The following PTPRT variants were observed in gnomAD, a reference collection of about 807,000 sequenced individuals.
PTPRT encodes the protein protein tyrosine phosphatase receptor type T.
PTPRT carries 56 observed loss-of-function variants against 176.8 expected under a neutral mutation model. That is an observed-to-expected ratio of 0.32 (90% confidence interval 0.26 to 0.40). The LOEUF (loss-of-function observed/expected upper bound fraction) is 0.40. PTPRT is among the 10% of genes least tolerant of loss of function. The probability of loss-of-function intolerance (pLI) is 1.00; values close to 1 mark genes in which losing one functional copy is unlikely to be tolerated. For synonymous variants in PTPRT, 783 were observed against 739.0 expected, an observed-to-expected ratio of 1.06 and a Z score of -0.96; for missense variants, 1,540 against 1,908.2, an observed-to-expected ratio of 0.81 and a Z score of 3.60.
At position 42,777,467 on chromosome 20, in the gene PTPRT, C is replaced by T. The variant is rs60738346; in HGVS notation, c.568+2751G>A. ...TTTTCAAAGATATCTCCTCTGACCA[C>T]TATATCCAAGCAGCCCTCCCGTATC... On this transcript the variant is annotated intron_variant, in intron 4 of 30. Coordinates refer to ENST00000373187, the MANE Select transcript of PTPRT (RefSeq NM_007050.6). Among the ~76,000 whole-genome samples the T allele has an allele frequency of 3.2e-3, 492 of 152,310 alleles. 5 individuals are homozygous for T. The highest frequency in any genetic ancestry group is 0.011 in the African/African-American group (467 of 41,554).
intron 5 of PTPRT, among the ~76,000 whole-genome samples, chr20:42,769,747 T>C (rs758524834): frequency 6.6e-6 from 1 of 152,222 alleles, no homozygotes; most frequent in Non-Finnish European, 1.5e-5. Context: ...AACAGGTAGA[T>C]GGATAAACAA....
intron 14 of PTPRT, among the ~76,000 whole-genome samples, chr20:42,237,429 A>G (rs2056267637): frequency 6.6e-6 from 1 of 152,128 alleles, no homozygotes; most frequent in Non-Finnish European, 1.5e-5. Flanking sequence ...TAATTTTCCA[A>G]CTGTGTTCAC....
chr20:42,321,496 C>A (rs1220256771), intron 11 of PTPRT, among the ~76,000 whole-genome samples: 2 of 152,166 alleles, frequency 1.3e-5, no homozygotes, highest in East Asian at 3.9e-4. Context: ...CATTCCCCTC[C>A]AGTATTCTCA....
At chr20:42,229,716 A>G (rs1243407761) in intron 15 of PTPRT, among the ~76,000 whole-genome samples, 2 of 152,208 alleles carry the variant, frequency 1.3e-5, no homozygotes, top group African/African-American at 4.8e-5. Flanking sequence ...TCTCTGTTTT[A>G]CATACCAGGC....
At chr20:42,482,892 C>T (rs1448916579) in intron 7 of PTPRT, among the ~76,000 whole-genome samples, 2 of 152,082 alleles carry the variant, frequency 1.3e-5, no homozygotes, top group East Asian at 3.9e-4. Context: ...ATTCCTGCCT[C>T]CTTTGCACTA....
At chr20:43,044,816 T>C (rs1986769298) in intron 1 of PTPRT, among the ~76,000 whole-genome samples, 2 of 152,214 alleles carry the variant, frequency 1.3e-5, no homozygotes, top group South Asian at 4.1e-4. Flanking sequence ...GATTAAAACT[T>C]TCACACAGAA....
intron 12 of PTPRT, 105 bp from the exon 13 acceptor site, chr20:42,282,630 T>A (rs1781536765): frequency 5.9e-6 from 5 of 848,046 alleles, no homozygotes; most frequent in Admixed American, 2.8e-5. Flanking sequence ...TTCATGCATA[T>A]GTATTTTTAA....
chr20:42,879,162 T>C (rs549992857), intron 2 of PTPRT, among the ~76,000 whole-genome samples: 25 of 152,326 alleles, frequency 1.6e-4, no homozygotes, highest in African/African-American at 5.3e-4. Context: ...TTTAGTTTCC[T>C]AGAACTGCTA....
chr20:42,924,930 T>C (rs565533933), intron 1 of PTPRT, among the ~76,000 whole-genome samples: 8 of 152,220 alleles, frequency 5.3e-5, no homozygotes, highest in Non-Finnish European at 1.2e-4. Flanking sequence ...GGGGTTGGAC[T>C]TGAGCATCCA....
At chr20:42,327,568 C>T (rs2145422879) in intron 11 of PTPRT, among the ~76,000 whole-genome samples, 1 of 152,022 alleles carries the variant, frequency 6.6e-6, no homozygotes, top group Non-Finnish European at 1.5e-5. Flanking sequence ...AAGTAACCCT[C>T]AAATGGTTGA....
In PTPRT at chr20:42,251,561, TA is replaced by T. The variant is rs1012971284; in HGVS notation, c.2177-2740del. Reference sequence around the variant, plus strand: ...ACTTGTAAATAGATACTTGCATAATTAAAAAAAATGCATTGCTTCTTGGAGC... The same window carrying T: ...ACTTGTAAATAGATACTTGCATAATTAAAAAAATGCATTGCTTCTTGGAGC... On this transcript the variant is annotated intron_variant, in intron 13 of 30. Transcript: ENST00000373187. 6.0e-5 allele frequency among the ~76,000 whole-genome samples: 9 copies of T among 150,920 alleles called. No homozygotes were observed. The East Asian group carries it at 9.7e-4, about 16-fold the overall frequency.
intron 15 of PTPRT, among the ~76,000 whole-genome samples, chr20:42,202,613 G>A (rs1043031018): frequency 6.6e-6 from 1 of 152,202 alleles, no homozygotes; most frequent in Admixed American, 6.5e-5. Context: ...GTTTAAAAAT[G>A]TATATGTGAC....
intron 9 of PTPRT, among the ~76,000 whole-genome samples, chr20:42,420,953 CAG>C (rs2059113022): frequency 6.6e-6 from 1 of 152,172 alleles, no homozygotes; most frequent in Non-Finnish European, 1.5e-5. Context: ...GGATTGGTGA[CAG>C]GGGATTTCAC....
intron 3 of PTPRT, among the ~76,000 whole-genome samples, chr20:42,788,818 G>C (rs208248): frequency 0.28 from 42,367 of 151,980 alleles, 7,694 homozygotes; most frequent in African/African-American, 0.52. Flanking sequence ...GAGTTACCCC[G>C]CTTCATCTCC....
At chr20:42,209,610 C>T (rs1379899696) in intron 15 of PTPRT, among the ~76,000 whole-genome samples, 2 of 151,876 alleles carry the variant, frequency 1.3e-5, no homozygotes, top group East Asian at 3.9e-4. Context: ...GAAGTTGAAT[C>T]TCTGAATAGA....
chr20:43,056,053 T>C (rs1423747813), intron 1 of PTPRT, among the ~76,000 whole-genome samples: 5 of 152,144 alleles, frequency 3.3e-5, no homozygotes, highest in African/African-American at 1.2e-4. Flanking sequence ...AAAAGAAAAC[T>C]GAAGTCCACA....
chr20:42,584,808 T>C (rs1387729494), intron 7 of PTPRT, among the ~76,000 whole-genome samples: 1 of 152,196 alleles, frequency 6.6e-6, no homozygotes, highest in Non-Finnish European at 1.5e-5. Flanking sequence ...TATTTGTAAA[T>C]GAATGAATGA....
At chr20:42,249,576 A>G (rs981121296) in intron 13 of PTPRT, among the ~76,000 whole-genome samples, 4 of 152,164 alleles carry the variant, frequency 2.6e-5, no homozygotes, top group Non-Finnish European at 5.9e-5. Flanking sequence ...TAGACGAGAT[A>G]CTGATTTTCC....
intron 7 of PTPRT, among the ~76,000 whole-genome samples, chr20:42,512,920 C>T (rs1243213330): frequency 6.6e-6 from 1 of 152,058 alleles, no homozygotes; most frequent in Non-Finnish European, 1.5e-5. Context: ...AGTGCAATGG[C>T]ATGATCTTGG....
Sources: allele counts gnomAD v4.1 joint callset (sites outside exome capture counted in the v4.1 genomes callset), GRCh38; gene constraint gnomAD v4.1.1; transcripts MANE v1.5; gene names NCBI Gene and HGNC (gene_info 2026-07-23, HGNC 2026-07-21).